Variants in MRPL39 observed in about 807,000 individuals in gnomAD.
MRPL39 encodes mitochondrial ribosomal protein L39.
In MRPL39, 35 loss-of-function variants were observed where a neutral mutation model predicts 44.5. The ratio of observed to expected loss-of-function variants is 0.79; its 90% CI spans 0.60 to 1.04. The LOEUF (loss-of-function observed/expected upper bound fraction) is 1.04, where lower values mean the gene tolerates loss of function less well. MRPL39 is among the 50% of genes least tolerant of loss of function. MRPL39 has a pLI of 0.00. For synonymous variants in MRPL39, 139 were observed against 136.1 expected, an observed-to-expected ratio of 1.02 and a Z score of -0.15; for missense variants, 433 against 413.5, an observed-to-expected ratio of 1.05 and a Z score of -0.41.
At chr21:25,602,867 T>C (rs2031560911) in intron 3 of MRPL39, among the ~76,000 whole-genome samples, 3 of 152,338 alleles carry the variant, frequency 2.0e-5, no homozygotes, top group African/African-American at 7.2e-5. Context: ...TGATATGGTT[T>C]AGCCCTGTGT....
intron 3 of MRPL39, among the ~76,000 whole-genome samples, chr21:25,603,247 G>A (rs967497386): frequency 1.3e-5 from 2 of 152,122 alleles, no homozygotes; most frequent in African/African-American, 4.8e-5. Flanking sequence ...GAAAGAAGCA[G>A]GGGGGAGGCC....
At chr21:25,587,374 A>G (rs1442950177) in intron 9 of MRPL39, among the ~76,000 whole-genome samples, 1 of 152,198 alleles carries the variant, frequency 6.6e-6, no homozygotes, top group African/African-American at 2.4e-5. Context: ...ATTCAAAGGT[A>G]ATTTCTTCTC....
chr21:25,605,855 G>C (rs987524779), intron 2 of MRPL39, among the ~76,000 whole-genome samples: 2 of 152,180 alleles, frequency 1.3e-5, no homozygotes, highest in Admixed American at 1.3e-4. Context: ...CTCCAGCCTG[G>C]GAGCAGGGCC....
chr21:25,597,153 C>A lies in MRPL39; in HGVS notation c.701+149G>T, dbSNP rs529805829. On this transcript the variant is annotated intron_variant, in intron 6 of 9. Transcript: ENST00000352957. ...GGGACATGGGTAACATTTTCCTCAG[C>A]GAAATAAATGAGATCACAGAGGTCT... 3.2e-3 allele frequency: 1,809 copies of A among 570,758 alleles called. 2 individuals are homozygous for A. Among genetic ancestry groups the A allele is most frequent in the Non-Finnish European group, 4.2e-3 (1,353 of 323,002 alleles). 35.4% of individuals were successfully genotyped at this position (570,758 alleles called of 1,614,324 possible).
intron 1 of MRPL39, among the ~76,000 whole-genome samples, chr21:25,607,128 A>G (rs1285955694): frequency 6.6e-6 from 1 of 152,260 alleles, no homozygotes. Flanking sequence ...TGTGCACGGA[A>G]CGTGCGCTGC....
intron 9 of MRPL39, among the ~76,000 whole-genome samples, chr21:25,588,079 A>AG (rs1196339187): frequency 2.0e-5 from 3 of 152,154 alleles, no homozygotes; most frequent in South Asian, 2.1e-4. Context: ...TGGGAGGCTG[A>AG]GGGGGGTGGA....
intron 6 of MRPL39, among the ~76,000 whole-genome samples, chr21:25,595,052 C>G (rs2829815): frequency 0.037 from 5,596 of 152,230 alleles, 257 homozygotes; most frequent in East Asian, 0.15. Context: ...GTCAGTATAG[C>G]TAAAGGCACA....
chr21:25,592,585 T>G (rs1321830426), intron 8 of MRPL39, among the ~76,000 whole-genome samples: 1 of 152,208 alleles, frequency 6.6e-6, no homozygotes, highest in Non-Finnish European at 1.5e-5. Context: ...ACTTGAAATT[T>G]TTAAATGCTA....
At chr21:25,593,767 CAAA>C (rs2031253998) in intron 7 of MRPL39, 123 bp downstream of exon 7, 1 of 704,300 alleles carries the variant, frequency 1.4e-6, no homozygotes, top group African/African-American at 1.8e-5. Flanking sequence ...ACGAAGCAAC[CAAA>C]AATAAGGTAA....
Position 25,607,313 on chromosome 21 carries a change from CG to C in MRPL39, c.73+89del, listed in dbSNP as rs912188711. Reference sequence around the variant, plus strand: ...AAACCCTCCTCCTTCCTCTGCCCCGCGGGACCTCCCCGGCCCCGCCTCAGAC... The same window carrying C: ...AAACCCTCCTCCTTCCTCTGCCCCGCGGACCTCCCCGGCCCCGCCTCAGAC... On this transcript the variant is annotated intron_variant, in intron 1 of 9. Transcript: ENST00000352957. The C allele has an allele frequency of 2.6e-5, 37 of 1,433,150 alleles. 1 individual carries two copies. The Middle Eastern group carries it at 1.1e-3, about 41-fold the overall frequency. The allele number at this position is 1,433,150 out of a possible 1,614,324, so 88.8% of individuals were successfully genotyped here. A position where few individuals can be genotyped will look rare whatever the true frequency, so the allele number is the denominator to read the frequency against.
In MRPL39 at chr21:25,593,926, G is replaced by T; in HGVS notation, c.734C>A (p.Ser245Tyr). ...CTTGACTATTCTCTCAGGGTTCTGAGATGCCTTCTCTTCTATGAAATCTAC... is the reference window on the plus strand; with the variant it reads ...CTTGACTATTCTCTCAGGGTTCTGATATGCCTTCTCTTCTATGAAATCTAC... ...YKVDFIEEKA[S>Y]QNPERIVKLH... The change falls in exon 7 of 10, where the codon TCT becomes TAT. Residue 245 changes from serine to tyrosine, a missense_variant. Ser to Tyr is a moderately radical substitution (Grantham distance 144). Transcript: ENST00000352957. 1.9e-6 allele frequency: 3 copies of T among 1,613,684 alleles called. No homozygotes were observed. Among genetic ancestry groups the T allele is most frequent in the Non-Finnish European group, 2.5e-6 (3 of 1,179,892 alleles).
intron 5 of MRPL39, among the ~76,000 whole-genome samples, chr21:25,598,869 A>C (rs548159939): frequency 1.2e-3 from 178 of 152,086 alleles, no homozygotes; most frequent in African/African-American, 4.1e-3. Context: ...AAAAAAAAAA[A>C]AAAAACACTA....
intron 5 of MRPL39, among the ~76,000 whole-genome samples, chr21:25,599,332 C>T (rs1416337798): frequency 2.0e-5 from 3 of 152,178 alleles, no homozygotes; most frequent in African/African-American, 7.2e-5. Flanking sequence ...CTTGTATATA[C>T]AGGGACCTCA....
At chr21:25,595,694 T>C (rs2031333093) in intron 6 of MRPL39, among the ~76,000 whole-genome samples, 1 of 72,680 alleles carries the variant, frequency 1.4e-5, no homozygotes, top group South Asian at 3.4e-4. Flanking sequence ...TAATATTGAT[T>C]ACACTGAGTA....
chr21:25,597,208 T>C (rs2031385668), intron 6 of MRPL39, 94 bp downstream of exon 6: 4 of 743,312 alleles, frequency 5.4e-6, no homozygotes, highest in Non-Finnish European at 6.8e-6. Context: ...CTGTCACATG[T>C]ATATCAAATA....
In MRPL39 at chr21:25,606,357, C is replaced by G. The variant is rs950947132; in HGVS notation, c.280+92G>C. The G allele has an allele frequency of 6.0e-6, 7 of 1,169,886 alleles. No homozygotes were observed. The East Asian group carries it at 1.5e-4, about 25-fold the overall frequency. The allele number at this position is 1,169,886 out of a possible 1,614,324, so 72.5% of individuals were successfully genotyped here. ...AGGGATTGCCATGGCCACAGATGAC[C>G]AGAAGTAATTACAGCATCCTGTCTC... is the stretch of plus-strand genomic sequence containing the variant. On this transcript the variant is annotated intron_variant, in intron 2 of 9. Transcript: ENST00000352957.
At chr21:25,592,301 T>C (rs1045129996) in intron 8 of MRPL39, among the ~76,000 whole-genome samples, 6 of 152,184 alleles carry the variant, frequency 3.9e-5, no homozygotes, top group African/African-American at 1.4e-4. Flanking sequence ...TGATACTGTA[T>C]TTTAGTACTG....
intron 3 of MRPL39, among the ~76,000 whole-genome samples, chr21:25,603,326 G>A (rs2031573872): frequency 6.6e-6 from 1 of 152,074 alleles, no homozygotes; most frequent in African/African-American, 2.4e-5. Flanking sequence ...TAACAGGTAG[G>A]CAAGTTCTTT....
intron 1 of MRPL39, 36 bp downstream of exon 1, chr21:25,607,367 G>A: frequency 6.2e-7 from 1 of 1,611,260 alleles, no homozygotes; most frequent in South Asian, 1.1e-5. Context: ...CACTATCTAG[G>A]CCTCGCTCCC....
Sources: allele counts gnomAD v4.1 joint callset (sites outside exome capture counted in the v4.1 genomes callset), GRCh38; gene constraint gnomAD v4.1.1; transcripts MANE v1.5; gene names NCBI Gene and HGNC (gene_info 2026-07-23, HGNC 2026-07-21).